Variants in RARB observed in about 807,000 individuals in gnomAD.
RARB encodes retinoic acid receptor beta, also known as HBV-activated protein.
RARB carries 17 observed loss-of-function variants against 51.9 expected under a neutral mutation model. That is an observed-to-expected ratio of 0.33 (90% CI 0.22 to 0.49). The LOEUF (loss-of-function observed/expected upper bound fraction) is 0.49, where lower values mean the gene tolerates loss of function less well. RARB is among the 20% of genes least tolerant of loss of function. The probability of loss-of-function intolerance (pLI) is 0.99; values close to 1 mark genes in which losing one functional copy is unlikely to be tolerated. For synonymous variants in RARB, 215 were observed against 195.4 expected (o/e 1.10, Z -0.84); for missense variants, 369 against 550.8 (o/e 0.67, Z 3.30).
chr3:25,234,774 A>C (rs556652094), intron 5 of RARB, among the ~76,000 whole-genome samples: 1 of 152,274 alleles, frequency 6.6e-6, no homozygotes, highest in East Asian at 1.9e-4. Flanking sequence ...TGGAAGCACA[A>C]GAGTAAATAG....
At chr3:25,084,767 C>A (rs1699075398) in intron 3 of RARB, among the ~76,000 whole-genome samples, 1 of 150,430 alleles carries the variant, frequency 6.6e-6, no homozygotes, top group Non-Finnish European at 1.5e-5. Flanking sequence ...GTTTCCAGAT[C>A]TTTGGATTTT....
intron 1 of RARB, among the ~76,000 whole-genome samples, chr3:25,442,353 C>T (rs1479319467): frequency 6.6e-6 from 1 of 152,118 alleles, no homozygotes; most frequent in African/African-American, 2.4e-5. Context: ...TCAGGCTGGT[C>T]TCGAACTCCT....
intron 5 of RARB, among the ~76,000 whole-genome samples, chr3:25,214,597 C>A (rs62235903): frequency 1.3e-3 from 202 of 152,194 alleles, no homozygotes; most frequent in Non-Finnish European, 2.5e-3. Flanking sequence ...CTGTAAGAAT[C>A]CTCAATATTT....
At chr3:24,930,683 A>G (rs1695419731) in intron 2 of RARB, among the ~76,000 whole-genome samples, 1 of 152,082 alleles carries the variant, frequency 6.6e-6, no homozygotes, top group East Asian at 1.9e-4. Flanking sequence ...TAATCCTTAT[A>G]GCAACACTGT....
At chr3:24,966,518 T>A (rs1165979054) in intron 2 of RARB, among the ~76,000 whole-genome samples, 5 of 152,158 alleles carry the variant, frequency 3.3e-5, no homozygotes, top group Non-Finnish European at 5.9e-5. Context: ...AGTGTGTGTT[T>A]TTCTTAGCAC....
At chr3:24,859,604 T>A (rs898682196) in intron 2 of RARB, among the ~76,000 whole-genome samples, 4 of 152,188 alleles carry the variant, frequency 2.6e-5, no homozygotes, top group African/African-American at 9.6e-5. Flanking sequence ...ACCAATATAA[T>A]CAGTATGCTT....
intron 5 of RARB, among the ~76,000 whole-genome samples, chr3:25,289,589 A>G (rs1703739095): frequency 6.6e-6 from 1 of 152,252 alleles, no homozygotes; most frequent in African/African-American, 2.4e-5. Flanking sequence ...TCCACTTGAA[A>G]TAATTTCACT....
intron 2 of RARB, among the ~76,000 whole-genome samples, chr3:25,050,204 A>C (rs1698299090): frequency 6.6e-6 from 1 of 152,158 alleles, no homozygotes; most frequent in African/African-American, 2.4e-5. Flanking sequence ...CAACGGTCAA[A>C]CCTAAAAATC....
intron 5 of RARB, chr3:25,259,960 G>A: frequency 1.0e-6 from 1 of 985,358 alleles, no homozygotes; most frequent in Non-Finnish European, 1.2e-6. Context: ...GGGGCAGTCA[G>A]TGTGGAGCCA....
chr3:25,110,621 G>T (rs986211753), intron 3 of RARB, among the ~76,000 whole-genome samples: 1 of 152,192 alleles, frequency 6.6e-6, no homozygotes, highest in Non-Finnish European at 1.5e-5. Flanking sequence ...TAGTCCTGTA[G>T]CTACAGCTAG....
At chr3:25,355,190 C>T (rs1005727439) in intron 5 of RARB, among the ~76,000 whole-genome samples, 5 of 151,984 alleles carry the variant, frequency 3.3e-5, no homozygotes, top group African/African-American at 7.2e-5. Flanking sequence ...ATCTGAGTAC[C>T]GAGGGTAACA....
Position 25,326,980 on chromosome 3 carries a change from C to G in RARB, c.179-134213C>G, listed in dbSNP as rs541048200. 2.0e-5 allele frequency among the ~76,000 whole-genome samples: 3 copies of G among 151,950 alleles called. No homozygotes were observed. The East Asian group carries it at 5.8e-4, about 29-fold the overall frequency. ...CATTAGGTATATCTCCTAATGCTAT[C>G]CCTCCCCCCTCCTCCCACCCCACAA... On this transcript the variant is annotated intron_variant, in intron 5 of 11. Transcript: ENST00000383772.
intron 2 of RARB, among the ~76,000 whole-genome samples, chr3:24,898,695 T>C (rs1475509076): frequency 6.6e-6 from 1 of 152,232 alleles, no homozygotes; most frequent in East Asian, 1.9e-4. Flanking sequence ...CTCTATTTTC[T>C]AGAAATTCCC....
At chr3:25,405,160 G>A (rs960919712) in intron 5 of RARB, among the ~76,000 whole-genome samples, 2 of 152,154 alleles carry the variant, frequency 1.3e-5, no homozygotes, top group African/African-American at 2.4e-5. Context: ...CAGAGGCCTA[G>A]CATTTAGTGG....
chr3:25,428,909 T>A, intron 1 of RARB, 21 bp downstream of exon 1: 2 of 1,575,426 alleles, frequency 1.3e-6, no homozygotes, highest in Admixed American at 1.8e-5. Flanking sequence ...TTTTTTCCCT[T>A]CTTCTACCAA....
intron 3 of RARB, among the ~76,000 whole-genome samples, chr3:25,536,630 C>A (rs1278954737): frequency 6.6e-6 from 1 of 152,158 alleles, no homozygotes; most frequent in Admixed American, 6.5e-5. Context: ...TCTCTGGGCT[C>A]TGGTGGATAT....
chr3:25,477,737 G>A (rs534702513), intron 2 of RARB, among the ~76,000 whole-genome samples: 7 of 152,268 alleles, frequency 4.6e-5, no homozygotes, highest in Admixed American at 2.0e-4. Flanking sequence ...CACCCAAGAC[G>A]TGTCCCAGTT....
At chr3:25,482,038 A>T (rs1696248628) in intron 2 of RARB, among the ~76,000 whole-genome samples, 1 of 152,230 alleles carries the variant, frequency 6.6e-6, no homozygotes, top group Non-Finnish European at 1.5e-5. Flanking sequence ...AACCTAGGGT[A>T]TCTGGCAGCA....
chr3:24,977,359 A>G (rs1016027912), intron 2 of RARB, among the ~76,000 whole-genome samples: 1 of 152,002 alleles, frequency 6.6e-6, no homozygotes, highest in Non-Finnish European at 1.5e-5. Context: ...GGCGGTATGG[A>G]GACTTTCAAA....
Sources: gnomAD v4.1 joint callset for allele counts (sites outside exome capture counted in the v4.1 genomes callset) on GRCh38, gnomAD v4.1.1 for gene constraint, MANE v1.5 for transcripts, NCBI Gene and HGNC (gene_info 2026-07-23, HGNC 2026-07-21) for gene names.